Variants in PAX2 observed in about 807,000 individuals in gnomAD.
PAX2 encodes paired box 2.
Under a neutral mutation model 41.7 loss-of-function variants are expected in PAX2, and 9 were observed. The ratio of observed to expected loss-of-function variants is 0.22; its 90% CI spans 0.13 to 0.38. The LOEUF (loss-of-function observed/expected upper bound fraction) is 0.38, where lower values mean the gene tolerates loss of function less well. Ranked by LOEUF, PAX2 falls within the 10% of genes least tolerant of loss-of-function variation. The probability of loss-of-function intolerance (pLI) is 1.00; values close to 1 mark genes in which losing one functional copy is unlikely to be tolerated. For missense variants in PAX2, 418 were observed against 531.6 expected (o/e 0.79, Z 2.10); for synonymous variants, 221 against 212.7 (o/e 1.04, Z -0.34).
chr10:100,755,393 C>A (rs1166342723), intron 3 of PAX2, among the ~76,000 whole-genome samples: 1 of 152,118 alleles, frequency 6.6e-6, no homozygotes, highest in African/African-American at 2.4e-5. Flanking sequence ...CTGGGCCTGA[C>A]AACAGCTCCA....
At chr10:100,798,719 T>G (rs1564732767) in intron 5 of PAX2, among the ~76,000 whole-genome samples, 1 of 152,054 alleles carries the variant, frequency 6.6e-6, no homozygotes, top group East Asian at 1.9e-4. Flanking sequence ...TCTATCCTCC[T>G]CCACTCTCCC....
chr10:100,800,390 C>T (rs142558841), intron 5 of PAX2, among the ~76,000 whole-genome samples: 9 of 151,334 alleles, frequency 5.9e-5, no homozygotes, highest in Non-Finnish European at 1.0e-4. Context: ...GCAATACTCC[C>T]GCCTCAGCCT....
chr10:100,817,303 A>G (rs1009829351), intron 7 of PAX2, among the ~76,000 whole-genome samples: 2 of 152,214 alleles, frequency 1.3e-5, no homozygotes, highest in African/African-American at 4.8e-5. Flanking sequence ...AAAACAAGGG[A>G]GTTGGACTAG....
intron 5 of PAX2, among the ~76,000 whole-genome samples, chr10:100,805,791 C>T (rs751832710): frequency 3.3e-5 from 5 of 152,264 alleles, no homozygotes; most frequent in Admixed American, 6.5e-5. Context: ...TCTGCCCAAG[C>T]GGGAGCTTTG....
At position 100,748,676 on chromosome 10, in the gene PAX2, C is replaced by G. The variant is rs937783971; in HGVS notation, c.44-1070C>G. 7 of 985,444 alleles carry G rather than the reference C, an allele frequency of 7.1e-6. No individual in the cohort carries two copies. Among genetic ancestry groups the G allele is most frequent in the Non-Finnish European group, 8.4e-6 (7 of 829,930 alleles). The allele number at this position is 985,444 out of a possible 1,614,324, so 61.0% of individuals were successfully genotyped here. A position where few individuals can be genotyped will look rare whatever the true frequency, so the allele number is the denominator to read the frequency against. On this transcript the variant is annotated intron_variant, in intron 1 of 9. Coordinates refer to ENST00000355243, the MANE Select transcript of PAX2 (RefSeq NM_000278.5). The surrounding 1 kb of genome is among the most constrained non-coding windows in gnomAD (Gnocchi z 5.0). ...CAGGAAGCACCCTCAGGCCTGGCAC[C>G]CAGTGGCCGCCTCGGTTCCGAGATC... is the stretch of plus-strand genomic sequence containing the variant.
chr10:100,779,913 A>C (rs146330430), intron 4 of PAX2, among the ~76,000 whole-genome samples: 1 of 149,104 alleles, frequency 6.7e-6, no homozygotes, highest in Non-Finnish European at 1.5e-5. Context: ...CCTCTCCCTC[A>C]TTCTCCAACA....
At position 100,748,734 on chromosome 10, in the gene PAX2, C is replaced by T. The variant is rs1845309993; in HGVS notation, c.44-1012C>T. 16 of 985,370 alleles carry T rather than the reference C, an allele frequency of 1.6e-5. No homozygotes were observed. Among genetic ancestry groups the T allele is most frequent in the Non-Finnish European group, 1.8e-5 (15 of 829,974 alleles). 61.0% of individuals were successfully genotyped at this position (985,370 alleles called of 1,614,324 possible). A position where few individuals can be genotyped will look rare whatever the true frequency, so the allele number is the denominator to read the frequency against. On this transcript the variant is annotated intron_variant, in intron 1 of 9. Coordinates refer to ENST00000355243, the MANE Select transcript of PAX2 (RefSeq NM_000278.5). The surrounding 1 kb of genome is among the most constrained non-coding windows in gnomAD (Gnocchi z 5.0). ...CGCGCTGGAGCCGGGTTGGAAACCC[C>T]GTGCCCTTCTCTTGGCCGAAAGAGC...
rs553810202 is a variant in PAX2, at chr10:100,828,143, G to T, written c.*524G>T. ...AGAAAACGACTTTCTGCAGGAGGAA[G>T]AGCCCGCTGCCGAATCCCTGGGAAA... On this transcript the variant is annotated 3_prime_UTR_variant, in exon 10 of 10. Transcript: ENST00000355243. The surrounding 1 kb of genome is among the most constrained non-coding windows in gnomAD (Gnocchi z 6.5). 38 of 231,974 alleles carry T rather than the reference G, an allele frequency of 1.6e-4. No homozygotes were observed. The highest frequency in any genetic ancestry group is 3.0e-4 in the Non-Finnish European group (35 of 117,522). The allele number at this position is 231,974 out of a possible 1,614,324, so 14.4% of individuals were successfully genotyped here.
Position 100,827,046 on chromosome 10 carries a change from G to T in PAX2, c.1059G>T (p.Gln353His). 3 of 1,613,692 alleles carry T rather than the reference G, an allele frequency of 1.9e-6. No homozygotes were observed. Among genetic ancestry groups the T allele is most frequent in the Non-Finnish European group, 2.5e-6 (3 of 1,179,642 alleles). The change falls in exon 9 of 10, where the codon CAG (glutamine) becomes CAT (histidine). Residue 353 changes from glutamine (Q) to histidine (H), a missense_variant. Gln to His is a conservative substitution (Grantham distance 24). Coordinates refer to ENST00000355243, the MANE Select transcript of PAX2 (RefSeq NM_000278.5). This position sits in a 1 kb window ranked among gnomAD's most constrained non-coding sequence, Gnocchi z 8.5. The stretch of plus-strand genomic sequence containing the variant: ...CCGGCAACCCGTACAGCCACCCCCA[G>T]TACACGGCCTACAACGAGGCTTGGA... Reference protein sequence around the residue: ...EFSGNPYSHPQYTAYNEAWRF... With the variant: ...EFSGNPYSHPHYTAYNEAWRF...
Position 100,750,751 on chromosome 10 carries a change from G to A in PAX2, c.270G>A (p.Val90=), listed in dbSNP as rs1408441464. The A allele has an allele frequency of 6.2e-7, 1 of 1,614,208 alleles. No individual in the cohort carries two copies. Residue 90 remains valine (V), a synonymous_variant, in exon 3 of 10, where the codon GTG becomes GTA. Transcript: ENST00000355243. This position sits in a 1 kb window ranked among gnomAD's most constrained non-coding sequence, Gnocchi z 4.1. ...PGVIGGSKPK[V]ATPKVVDKIA... ...TGATCGGTGGCTCCAAGCCCAAAGT[G>A]GCGACGCCCAAAGTGGTGGACAAGA...
intron 7 of PAX2, among the ~76,000 whole-genome samples, chr10:100,813,596 G>A (rs1032132041): frequency 1.7e-4 from 26 of 152,270 alleles, no homozygotes; most frequent in African/African-American, 5.5e-4. Context: ...CACACTGTCC[G>A]TGAAAGGCAA....
chr10:100,817,151 A>G (rs1450882270), intron 7 of PAX2, among the ~76,000 whole-genome samples: 1 of 151,988 alleles, frequency 6.6e-6, no homozygotes, highest in Non-Finnish European at 1.5e-5. Flanking sequence ...CCCAACTCCA[A>G]TCTTCATTTG....
chr10:100,782,542 T>A (rs548852506), intron 5 of PAX2, among the ~76,000 whole-genome samples: 2 of 151,786 alleles, frequency 1.3e-5, no homozygotes, highest in Non-Finnish European at 2.9e-5. Context: ...GGGAAGAGAG[T>A]GGGAGAGGCC....
intron 5 of PAX2, among the ~76,000 whole-genome samples, chr10:100,787,258 G>A (rs927372814): frequency 8.7e-5 from 13 of 148,970 alleles, no homozygotes; most frequent in African/African-American, 3.4e-4. Flanking sequence ...CTCAGTGGAT[G>A]GGGGGTCACT....
intron 3 of PAX2, among the ~76,000 whole-genome samples, chr10:100,757,890 G>A (rs1253616884): frequency 6.6e-6 from 1 of 152,208 alleles, no homozygotes; most frequent in Non-Finnish European, 1.5e-5. Flanking sequence ...GTCTGGCGCT[G>A]TAGGAGAGGG....
intron 1 of PAX2, among the ~76,000 whole-genome samples, chr10:100,737,938 G>A (rs1844830647): frequency 1.3e-5 from 2 of 152,272 alleles, no homozygotes; most frequent in Admixed American, 6.5e-5. Context: ...AGGAAAGGGC[G>A]AGAGAAGGAG....
In PAX2 at chr10:100,814,176, G is replaced by A. The variant is rs1420155287; in HGVS notation, c.919+4940G>A. On this transcript the variant is annotated intron_variant, in intron 7 of 9. Coordinates refer to ENST00000355243, the MANE Select transcript of PAX2 (RefSeq NM_000278.5). Reference sequence around the variant, plus strand: ...ATCCTGGCTAACATGGTGAAACCCCGTCTCCACTAAAAAAATATACAAAAA... The same window carrying A: ...ATCCTGGCTAACATGGTGAAACCCCATCTCCACTAAAAAAATATACAAAAA... Among the ~76,000 whole-genome samples the A allele has an allele frequency of 4.0e-5, 6 of 151,162 alleles. No individual in the cohort carries two copies. The East Asian group carries it at 7.8e-4, about 20-fold the overall frequency.
At chr10:100,801,971 G>T (rs1001038093) in intron 5 of PAX2, among the ~76,000 whole-genome samples, 1 of 152,198 alleles carries the variant, frequency 6.6e-6, no homozygotes, top group African/African-American at 2.4e-5. Flanking sequence ...AGGGTTGTCG[G>T]AAGGATTAAA....
chr10:100,809,051 C>G (rs184960110), intron 6 of PAX2, 59 bp from the exon 7 acceptor site: 4 of 1,556,442 alleles, frequency 2.6e-6, no homozygotes, highest in East Asian at 2.2e-5. Flanking sequence ...ATCTGCACAC[C>G]GAGCCCTTTC....
Sources: allele counts gnomAD v4.1 joint callset (sites outside exome capture counted in the v4.1 genomes callset), GRCh38; gene constraint gnomAD v4.1.1; non-coding constraint Gnocchi (gnomAD v3.1); transcripts MANE v1.5; gene names NCBI Gene and HGNC (gene_info 2026-07-23, HGNC 2026-07-21).